The following NSMCE2 variants were observed in gnomAD, a reference collection of about 807,000 sequenced individuals.
NSMCE2 encodes the protein NSE2 SUMO ligase component of SMC5/6 complex.
In NSMCE2, 24 loss-of-function variants were observed where a neutral mutation model predicts 23.8. That is an observed-to-expected ratio of 1.01 (90% CI 0.73 to 1.42). The LOEUF (loss-of-function observed/expected upper bound fraction) is 1.42. NSMCE2 is among the 40% of genes most tolerant of loss of function. NSMCE2 has a pLI of 0.00. For missense variants in NSMCE2, 284 were observed against 296.5 expected, an observed-to-expected ratio of 0.96 and a Z score of 0.31; for synonymous variants, 92 against 94.1, an observed-to-expected ratio of 0.98 and a Z score of 0.13.
intron 5 of NSMCE2, among the ~76,000 whole-genome samples, chr8:125,261,903 C>T (rs1826708304): frequency 6.6e-6 from 1 of 151,212 alleles, no homozygotes; most frequent in Non-Finnish European, 1.5e-5. Context: ...TCAAGACCGT[C>T]CTCGCCAACA....
At chr8:125,289,071 T>A (rs1330778869) in intron 5 of NSMCE2, among the ~76,000 whole-genome samples, 2 of 152,190 alleles carry the variant, frequency 1.3e-5, no homozygotes, top group African/African-American at 4.8e-5. Flanking sequence ...TTTACAGGCA[T>A]GTGCCACCAC....
Position 125,217,501 on chromosome 8 carries a change from C to T in NSMCE2, c.418+35245C>T, listed in dbSNP as rs141093631. Reference sequence around the variant, plus strand: ...TCAGCCTCCCGAGTAGCTGGGACTACGGGCACCTACCGCCACACATGGCTA... The same window carrying T: ...TCAGCCTCCCGAGTAGCTGGGACTATGGGCACCTACCGCCACACATGGCTA... On this transcript the variant is annotated intron_variant, in intron 5 of 7. Coordinates refer to ENST00000287437, the MANE Select transcript of NSMCE2 (RefSeq NM_173685.4). Among the ~76,000 whole-genome samples, 276 of 152,130 alleles carry T rather than the reference C, an allele frequency of 1.8e-3. 1 individual carries two copies. The highest frequency in any genetic ancestry group is 6.2e-3 in the South Asian group (30 of 4,816).
chr8:125,161,150 G>A (rs1474438545), intron 4 of NSMCE2, among the ~76,000 whole-genome samples: 1 of 152,168 alleles, frequency 6.6e-6, no homozygotes, highest in East Asian at 1.9e-4. Context: ...AACTGTCCTT[G>A]GGAGAATGGA....
intron 5 of NSMCE2, among the ~76,000 whole-genome samples, chr8:125,323,108 G>A (rs1479196886): frequency 6.6e-6 from 1 of 152,176 alleles, no homozygotes; most frequent in Non-Finnish European, 1.5e-5. Flanking sequence ...CTGACTAAAG[G>A]TGTGCAAGAA....
intron 3 of NSMCE2, among the ~76,000 whole-genome samples, chr8:125,104,377 T>C (rs1373372721): frequency 1.3e-5 from 2 of 152,222 alleles, no homozygotes; most frequent in African/African-American, 4.8e-5. Context: ...GGCTTATCGT[T>C]AAGCTTTGTT....
At chr8:125,334,841 G>T (rs1173340868) in intron 5 of NSMCE2, among the ~76,000 whole-genome samples, 1 of 120,958 alleles carries the variant, frequency 8.3e-6, no homozygotes, top group Non-Finnish European at 1.6e-5. Context: ...GGAGTGCAGT[G>T]ACCTCCCAGG....
At chr8:125,133,992 C>T (rs1028768224) in intron 3 of NSMCE2, among the ~76,000 whole-genome samples, 3 of 152,104 alleles carry the variant, frequency 2.0e-5, no homozygotes, top group African/African-American at 7.2e-5. Context: ...GGGCAGGACT[C>T]GAGAATTTGC....
intron 4 of NSMCE2, among the ~76,000 whole-genome samples, chr8:125,157,429 C>A (rs1406761850): frequency 6.6e-6 from 1 of 152,112 alleles, no homozygotes; most frequent in African/African-American, 2.4e-5. Flanking sequence ...GGAAATTAAC[C>A]AGAGAAAGAA....
At chr8:125,159,415 T>C (rs1821486409) in intron 4 of NSMCE2, among the ~76,000 whole-genome samples, 1 of 152,188 alleles carries the variant, frequency 6.6e-6, no homozygotes, top group African/African-American at 2.4e-5. Flanking sequence ...GATACATAAA[T>C]AGTTGTCATG....
At chr8:125,246,649 A>G (rs995467695) in intron 5 of NSMCE2, among the ~76,000 whole-genome samples, 2 of 152,338 alleles carry the variant, frequency 1.3e-5, no homozygotes, top group African/African-American at 2.4e-5. Context: ...CAAATGTCCT[A>G]TGTTATCTAA....
At chr8:125,292,437 C>G (rs4871576) in intron 5 of NSMCE2, among the ~76,000 whole-genome samples, 1 of 151,344 alleles carries the variant, frequency 6.6e-6, no homozygotes, top group African/African-American at 2.4e-5. Flanking sequence ...GCTTGTAATC[C>G]CAGCCACTTG....
chr8:125,209,666 G>A (rs1465765480), intron 5 of NSMCE2, among the ~76,000 whole-genome samples: 2 of 152,078 alleles, frequency 1.3e-5, no homozygotes, highest in African/African-American at 2.4e-5. Flanking sequence ...CTTTATGAAT[G>A]AATCCCTTTA....
At chr8:125,159,076 C>G (rs1321870131) in intron 4 of NSMCE2, among the ~76,000 whole-genome samples, 1 of 152,220 alleles carries the variant, frequency 6.6e-6, no homozygotes, top group African/African-American at 2.4e-5. Flanking sequence ...TTGTGCCTTG[C>G]TGCTCTGTCC....
intron 5 of NSMCE2, among the ~76,000 whole-genome samples, chr8:125,309,598 G>GCTTGCAGT (rs1308560001): frequency 2.6e-5 from 4 of 151,980 alleles, no homozygotes; most frequent in Non-Finnish European, 5.9e-5. Context: ...GGTGGCACAT[G>GCTTGCAGT]CTTGCAGTCC....
intron 3 of NSMCE2, chr8:125,124,062 C>T (rs1819398499): frequency 6.6e-6 from 1 of 152,166 alleles, no homozygotes; most frequent in African/African-American, 2.4e-5. Context: ...TTCCCATTCT[C>T]ACTATTCCTA....
At chr8:125,353,929 G>A (rs1813146404) in intron 5 of NSMCE2, among the ~76,000 whole-genome samples, 1 of 149,716 alleles carries the variant, frequency 6.7e-6, no homozygotes, top group African/African-American at 2.4e-5. Context: ...TTTTATTGCT[G>A]TCAATTTGTT....
intron 5 of NSMCE2, among the ~76,000 whole-genome samples, chr8:125,185,662 A>C (rs963363609): frequency 6.6e-6 from 1 of 152,356 alleles, no homozygotes; most frequent in East Asian, 1.9e-4. Context: ...GGTTATATCA[A>C]CTGACATTTA....
At chr8:125,358,722 GT>G (rs1266800685) in intron 7 of NSMCE2, among the ~76,000 whole-genome samples, 2 of 152,150 alleles carry the variant, frequency 1.3e-5, no homozygotes, top group African/African-American at 4.8e-5. Flanking sequence ...TCCCTTTGAT[GT>G]GTGGCTTGCT....
chr8:125,339,369 C>T (rs897770023), intron 5 of NSMCE2, among the ~76,000 whole-genome samples: 9 of 152,114 alleles, frequency 5.9e-5, no homozygotes, highest in African/African-American at 2.2e-4. Flanking sequence ...GGATTGGGGG[C>T]TCTGTCTTGT....
Sources: gnomAD v4.1 joint callset for allele counts (sites outside exome capture counted in the v4.1 genomes callset) on GRCh38, gnomAD v4.1.1 for gene constraint, MANE v1.5 for transcripts, NCBI Gene and HGNC (gene_info 2026-07-23, HGNC 2026-07-21) for gene names.